Variants in ATP2A2 observed in about 807,000 individuals in gnomAD.
The protein encoded by ATP2A2 is sarcoplasmic/endoplasmic reticulum calcium ATPase 2.
A neutral mutation model predicts 109.3 loss-of-function variants in ATP2A2; 14 were observed. The ratio of observed to expected loss-of-function variants is 0.13; its 90% CI spans 0.08 to 0.20. The LOEUF (loss-of-function observed/expected upper bound fraction) is 0.20, where lower values mean the gene tolerates loss of function less well. Among genes scored for constraint, ATP2A2 ranks in the 10% least tolerant of loss-of-function variants. ATP2A2 has a pLI of 1.00. For synonymous variants in ATP2A2, 506 were observed against 490.9 expected (o/e 1.03, Z -0.41); for missense variants, 657 against 1,321.6 (o/e 0.50, Z 7.80).
chr12:110,284,304 T>A (rs1269989614), intron 3 of ATP2A2, among the ~76,000 whole-genome samples: 2 of 152,230 alleles, frequency 1.3e-5, no homozygotes, highest in Non-Finnish European at 2.9e-5. Context: ...AGTGTAAGAT[T>A]TGTATTTAAC....
At position 110,293,819 on chromosome 12, in the gene ATP2A2, CAT is replaced by C. The variant is rs201974120; in HGVS notation, c.324+1702_324+1703del. Among the ~76,000 whole-genome samples the C allele has an allele frequency of 7.5e-3, 942 of 126,408 alleles. 5 individuals carry two copies. The highest frequency in any genetic ancestry group is 0.019 in the Middle Eastern group (4 of 212). The allele number at this position is 126,408 out of a possible 152,430, so 82.9% of individuals were successfully genotyped here. A position where few individuals can be genotyped will look rare whatever the true frequency, so the allele number is the denominator to read the frequency against. On this transcript the variant is annotated intron_variant, in intron 4 of 19. Transcript: ENST00000539276. Reference sequence around the variant, plus strand: ...CCTACTTAGAGATTTGTAATTGTGCCATATATATGTGTGTGTGTGTGTGTGTG... The same window carrying C: ...CCTACTTAGAGATTTGTAATTGTGCCATATATGTGTGTGTGTGTGTGTGTG...
At chr12:110,344,465 A>G (rs767277713) in intron 16 of ATP2A2, among the ~76,000 whole-genome samples, 3 of 152,170 alleles carry the variant, frequency 2.0e-5, no homozygotes, top group Non-Finnish European at 4.4e-5. Context: ...GAGCAAATAA[A>G]TCTGTGTACA....
rs1464796905 is a variant in ATP2A2, at chr12:110,327,483, A to G, written c.631-70A>G. The G allele has an allele frequency of 1.3e-6, 2 of 1,486,722 alleles. No individual in the cohort carries two copies. The highest frequency in any genetic ancestry group is 1.4e-5 in the African/African-American group (1 of 72,160). The allele number at this position is 1,486,722 out of a possible 1,614,324, so 92.1% of individuals were successfully genotyped here. ...GTAGAGAATCTGGGTGCCCTAGTCAAAAACCAGCGTCGGTATTTAAGTTGG... is the reference window on the plus strand; with the variant it reads ...GTAGAGAATCTGGGTGCCCTAGTCAGAAACCAGCGTCGGTATTTAAGTTGG... On this transcript the variant is annotated intron_variant, in intron 7 of 19. Coordinates refer to ENST00000539276, the MANE Select transcript of ATP2A2 (RefSeq NM_170665.4). This position sits in a 1 kb window ranked among gnomAD's most constrained non-coding sequence, Gnocchi z 4.4.
intron 10 of ATP2A2, among the ~76,000 whole-genome samples, chr12:110,333,650 T>A (rs888973646): frequency 4.6e-5 from 7 of 152,240 alleles, no homozygotes; most frequent in African/African-American, 1.7e-4. Context: ...AGAGACAGAA[T>A]GTGAACTCTT....
At chr12:110,290,045 C>T (rs1214178055) in intron 3 of ATP2A2, among the ~76,000 whole-genome samples, 1 of 152,210 alleles carries the variant, frequency 6.6e-6, no homozygotes, top group Non-Finnish European at 1.5e-5. Flanking sequence ...TGACCAGTTA[C>T]ATTTTTGGAC....
intron 8 of ATP2A2, chr12:110,329,255 T>C (rs182485779): frequency 6.6e-6 from 1 of 152,336 alleles, no homozygotes; most frequent in East Asian, 1.9e-4. Flanking sequence ...GTTTAGGGAA[T>C]AATGACAAGA....
Position 110,342,453 on chromosome 12 carries a change from GTC to G in ATP2A2, c.2318+9_2318+10del. On this transcript the variant is annotated splice_donor_region_variant and intron_variant, in intron 15 of 19. Transcript: ENST00000539276. The surrounding 1 kb of genome is among the most constrained non-coding windows in gnomAD (Gnocchi z 4.6). The stretch of plus-strand genomic sequence containing the variant: ...CAACGTCGGGGAAGTTGTCTGGTAG[GTC>G]TCTGTGACAGCATCACTTACTGTAC... 6.2e-7 allele frequency: 1 copy of G among 1,612,848 alleles called. No homozygotes were observed. Among genetic ancestry groups the G allele is most frequent in the Non-Finnish European group, 8.5e-7 (1 of 1,179,692 alleles).
At position 110,339,266 on chromosome 12, in the gene ATP2A2, T is replaced by G; in HGVS notation, c.1420-15T>G. ...AATTGCCACCCAGTAGTATCCATAT[T>G]TGTTCCCTTTGTAGGTCATTAAACA... On this transcript the variant is annotated splice_polypyrimidine_tract_variant and intron_variant, in intron 11 of 19. Coordinates refer to ENST00000539276, the MANE Select transcript of ATP2A2 (RefSeq NM_170665.4). This position sits in a 1 kb window ranked among gnomAD's most constrained non-coding sequence, Gnocchi z 4.4. 6.2e-7 allele frequency: 1 copy of G among 1,613,780 alleles called. No homozygotes were observed. The highest frequency in any genetic ancestry group is 1.3e-5 in the African/African-American group (1 of 75,048).
chr12:110,309,390 T>C (rs1875754718), intron 5 of ATP2A2, among the ~76,000 whole-genome samples: 1 of 151,636 alleles, frequency 6.6e-6, no homozygotes, highest in Admixed American at 6.6e-5. Context: ...ACTCCTGGCC[T>C]CAAGTGATCC....
intron 5 of ATP2A2, among the ~76,000 whole-genome samples, chr12:110,305,873 T>G (rs57675491): frequency 0.021 from 3,074 of 147,162 alleles, 123 homozygotes; most frequent in African/African-American, 0.072. Flanking sequence ...GGATGTCTGT[T>G]TTTTTTTTGT....
chr12:110,297,835 C>T (rs903322377), intron 5 of ATP2A2, among the ~76,000 whole-genome samples: 1 of 152,016 alleles, frequency 6.6e-6, no homozygotes, highest in South Asian at 2.1e-4. Context: ...TCAGGCTAGT[C>T]TCAAACTCCT....
rs370796345 is a variant in ATP2A2, at chr12:110,342,977, C to T, written c.2319-255C>T. Among the ~76,000 whole-genome samples the T allele has an allele frequency of 5.6e-4, 85 of 152,230 alleles. No individual in the cohort carries two copies. In the South Asian group the frequency reaches 0.016, roughly 29 times the overall value. On this transcript the variant is annotated intron_variant, in intron 15 of 19. Coordinates refer to ENST00000539276, the MANE Select transcript of ATP2A2 (RefSeq NM_170665.4). This position sits in a 1 kb window ranked among gnomAD's most constrained non-coding sequence, Gnocchi z 4.6. ...TGGTCTCTTAACTGCTGAGCTCAGCCAGTCTGCCCACCTTGGCTTCCCAAA... is the reference window on the plus strand; with the variant it reads ...TGGTCTCTTAACTGCTGAGCTCAGCTAGTCTGCCCACCTTGGCTTCCCAAA...
intron 5 of ATP2A2, among the ~76,000 whole-genome samples, chr12:110,304,136 G>C (rs1874990737): frequency 1.3e-5 from 2 of 152,310 alleles, no homozygotes; most frequent in South Asian, 4.1e-4. Context: ...CATGAATATA[G>C]CATGTATTTC....
At position 110,342,138 on chromosome 12, in the gene ATP2A2, T is replaced by C; in HGVS notation, c.2098-90T>C. The C allele has an allele frequency of 6.9e-7, 1 of 1,442,290 alleles. No homozygotes were observed. Among genetic ancestry groups the C allele is most frequent in the Non-Finnish European group, 9.8e-7 (1 of 1,025,282 alleles). 89.3% of individuals were successfully genotyped at this position (1,442,290 alleles called of 1,614,324 possible). On this transcript the variant is annotated intron_variant, in intron 14 of 19. Coordinates refer to ENST00000539276, the MANE Select transcript of ATP2A2 (RefSeq NM_170665.4). This position sits in a 1 kb window ranked among gnomAD's most constrained non-coding sequence, Gnocchi z 4.6. ...CAAGAGACCTACGGCTCTATTCATT[T>C]TCCTCCTGCTTCCCATTCAGTGGGC...
At chr12:110,295,716 C>T (rs1441213335) in intron 4 of ATP2A2, among the ~76,000 whole-genome samples, 1 of 152,138 alleles carries the variant, frequency 6.6e-6, no homozygotes, top group Non-Finnish European at 1.5e-5. Context: ...TGGTTTGATT[C>T]TACAACTTCC....
At position 110,347,336 on chromosome 12, in the gene ATP2A2, C is replaced by CT; in HGVS notation, c.*869dup. Reference sequence around the variant, plus strand: ...GGACAGAGAAAAATAACTGTCTTGTCTTTAACTCGTAAGTGGCTTACCTGG... The same window carrying CT: ...GGACAGAGAAAAATAACTGTCTTGTCTTTTAACTCGTAAGTGGCTTACCTGG... On this transcript the variant is annotated 3_prime_UTR_variant, in exon 20 of 20. Coordinates refer to ENST00000539276, the MANE Select transcript of ATP2A2 (RefSeq NM_170665.4). 1 of 1,286,442 alleles carries CT rather than the reference C, an allele frequency of 7.8e-7. No individual in the cohort carries two copies. Among genetic ancestry groups the CT allele is most frequent in the Non-Finnish European group, 1.0e-6 (1 of 986,642 alleles). The allele number at this position is 1,286,442 out of a possible 1,614,324, so 79.7% of individuals were successfully genotyped here.
rs987670057 is a variant in ATP2A2, at chr12:110,349,651, A to G, written c.*3181A>G. 44 of 987,638 alleles carry G rather than the reference A, an allele frequency of 4.5e-5. No homozygotes were observed. Among genetic ancestry groups the G allele is most frequent in the Non-Finnish European group, 5.3e-5 (44 of 831,236 alleles). 61.2% of individuals were successfully genotyped at this position (987,638 alleles called of 1,614,324 possible). A position where few individuals can be genotyped will look rare whatever the true frequency, so the allele number is the denominator to read the frequency against. The stretch of plus-strand genomic sequence containing the variant: ...GGGCAGACCTAAGACCTGAGACCAC[A>G]AGATTAGCTCAGTGTCTACCAAGCA... On this transcript the variant is annotated 3_prime_UTR_variant, in exon 20 of 20. Transcript: ENST00000539276.
Position 110,327,487 on chromosome 12 carries a change from C to A in ATP2A2, c.631-66C>A. On this transcript the variant is annotated intron_variant, in intron 7 of 19. Transcript: ENST00000539276. This position sits in a 1 kb window ranked among gnomAD's most constrained non-coding sequence, Gnocchi z 4.4. ...AGAATCTGGGTGCCCTAGTCAAAAA[C>A]CAGCGTCGGTATTTAAGTTGGGATG... 1 of 1,497,522 alleles carries A rather than the reference C, an allele frequency of 6.7e-7. No individual in the cohort carries two copies. The highest frequency in any genetic ancestry group is 9.3e-7 in the Non-Finnish European group (1 of 1,074,228). The allele number at this position is 1,497,522 out of a possible 1,614,324, so 92.8% of individuals were successfully genotyped here.
chr12:110,331,772 C>G (rs1878364580), intron 8 of ATP2A2: 1 of 152,086 alleles, frequency 6.6e-6, no homozygotes, highest in Non-Finnish European at 1.5e-5. Context: ...GTAATTTTTT[C>G]TTTTTAGAGG....
Sources: allele counts gnomAD v4.1 joint callset (sites outside exome capture counted in the v4.1 genomes callset), GRCh38; gene constraint gnomAD v4.1.1; non-coding constraint Gnocchi (gnomAD v3.1); transcripts MANE v1.5; gene names NCBI Gene and HGNC (gene_info 2026-07-23, HGNC 2026-07-21).